The following PGM5 variants were observed in gnomAD, a reference collection of about 807,000 sequenced individuals.
PGM5 encodes phosphoglucomutase 5.
PGM5 carries 23 observed loss-of-function variants against 59.2 expected under a neutral mutation model. The ratio of observed to expected loss-of-function variants is 0.39; its 90% CI spans 0.28 to 0.55. PGM5 has a LOEUF of 0.55. PGM5 is among the 20% of genes least tolerant of loss of function. The probability of loss-of-function intolerance (pLI) is 0.66; values close to 1 mark genes in which losing one functional copy is unlikely to be tolerated. For synonymous variants in PGM5, 214 were observed against 286.0 expected, an observed-to-expected ratio of 0.75 and a Z score of 2.54; for missense variants, 574 against 748.3, an observed-to-expected ratio of 0.77 and a Z score of 2.72.
chr9:68,524,350 C>T (rs1824941991), intron 10 of PGM5, among the ~76,000 whole-genome samples: 1 of 152,124 alleles, frequency 6.6e-6, no homozygotes, highest in African/African-American at 2.4e-5. Flanking sequence ...AGCAAACATC[C>T]AGAAAACCCT....
Position 68,529,678 on chromosome 9 carries a change from A to T in PGM5, c.*22A>T. On this transcript the variant is annotated 3_prime_UTR_variant, in exon 11 of 11. Transcript: ENST00000396396. ...CTGAATAGAGGAAAGATCACTCACC[A>T]GGGCCAAAGAGAGTGCTCAGCGGGA... is the stretch of plus-strand genomic sequence containing the variant. 1 of 1,463,824 alleles carries T rather than the reference A, an allele frequency of 6.8e-7. No individual in the cohort carries two copies. Among genetic ancestry groups the T allele is most frequent in the Non-Finnish European group, 9.4e-7 (1 of 1,064,240 alleles). 90.7% of individuals were successfully genotyped at this position (1,463,824 alleles called of 1,614,324 possible). A position where few individuals can be genotyped will look rare whatever the true frequency, so the allele number is the denominator to read the frequency against.
At chr9:68,376,833 CTCTT>C (rs1340878557) in intron 1 of PGM5, among the ~76,000 whole-genome samples, 17 of 77,960 alleles carry the variant, frequency 2.2e-4, no homozygotes, top group Non-Finnish European at 2.9e-4. Context: ...TTCTTTCTTT[CTCTT>C]TCTTTCTTTC....
At chr9:68,430,912 T>G (rs1461434605) in intron 6 of PGM5, among the ~76,000 whole-genome samples, 1 of 152,238 alleles carries the variant, frequency 6.6e-6, no homozygotes, top group Non-Finnish European at 1.5e-5. Context: ...ATCAACTATT[T>G]ATATTTTCTC....
chr9:68,427,111 G>A (rs1823251522), intron 6 of PGM5, among the ~76,000 whole-genome samples: 1 of 152,220 alleles, frequency 6.6e-6, no homozygotes, highest in Non-Finnish European at 1.5e-5. Context: ...AGAGGCAAAT[G>A]TGACACAGGT....
intron 10 of PGM5, among the ~76,000 whole-genome samples, chr9:68,518,573 A>T (rs1824855497): frequency 6.6e-6 from 1 of 152,252 alleles, no homozygotes; most frequent in Non-Finnish European, 1.5e-5. Context: ...ATACACCAAG[A>T]TGTTGAAATT....
intron 7 of PGM5, among the ~76,000 whole-genome samples, chr9:68,474,720 A>C (rs1824076916): frequency 6.6e-6 from 1 of 151,480 alleles, no homozygotes; most frequent in Non-Finnish European, 1.5e-5. Context: ...GCTAGGTTGG[A>C]TGAGAAAGGC....
At chr9:68,456,617 C>CTT (rs1564010378) in intron 6 of PGM5, among the ~76,000 whole-genome samples, 1 of 143,920 alleles carries the variant, frequency 6.9e-6, no homozygotes, top group African/African-American at 2.6e-5. Context: ...TGTGCCCTGT[C>CTT]CTTTTTTTTT....
At chr9:68,465,704 C>T (rs1823923579) in intron 7 of PGM5, among the ~76,000 whole-genome samples, 1 of 152,084 alleles carries the variant, frequency 6.6e-6, no homozygotes, top group Admixed American at 6.5e-5. Context: ...ATGTTAAAAA[C>T]GTTTTCTTTT....
chr9:68,482,196 A>G (rs1015784901), intron 8 of PGM5, among the ~76,000 whole-genome samples: 1 of 152,066 alleles, frequency 6.6e-6, no homozygotes, highest in East Asian at 1.9e-4. Flanking sequence ...ACTGAACGTG[A>G]TCTATCATAT....
chr9:68,462,084 T>C (rs1243426955), intron 6 of PGM5, among the ~76,000 whole-genome samples: 1 of 152,190 alleles, frequency 6.6e-6, no homozygotes, highest in Non-Finnish European at 1.5e-5. Context: ...TTTAAAATTC[T>C]GACTAAAGAG....
In PGM5 at chr9:68,366,286, G is replaced by GA. The variant is rs1332038894; in HGVS notation, c.261+8904dup. On this transcript the variant is annotated intron_variant, in intron 1 of 10. Coordinates refer to ENST00000396396, the MANE Select transcript of PGM5 (RefSeq NM_021965.4). The stretch of plus-strand genomic sequence containing the variant: ...CAGCATTTTGCTAAGGAAAAACTCA[G>GA]AAAAAATCTATATGTTCAACAGAGA... Among the ~76,000 whole-genome samples the GA allele has an allele frequency of 3.0e-3, 462 of 151,658 alleles. 1 individual carries two copies. Among genetic ancestry groups the GA allele is most frequent in the African/African-American group, 0.011 (445 of 41,276 alleles).
At chr9:68,359,395 T>C (rs1438772612) in intron 1 of PGM5, among the ~76,000 whole-genome samples, 3 of 151,922 alleles carry the variant, frequency 2.0e-5, no homozygotes, top group Non-Finnish European at 2.9e-5. Context: ...CTAAGAGGGG[T>C]GGGCATGGGT....
intron 6 of PGM5, among the ~76,000 whole-genome samples, chr9:68,425,668 A>G (rs1554682656): frequency 6.6e-6 from 1 of 151,644 alleles, no homozygotes; most frequent in Non-Finnish European, 1.5e-5. Context: ...ATTCTGGGTA[A>G]ATGGTGTTTA....
chr9:68,427,121 T>A (rs1554682750), intron 6 of PGM5, among the ~76,000 whole-genome samples: 6 of 152,188 alleles, frequency 3.9e-5, no homozygotes. Flanking sequence ...GTGACACAGG[T>A]GGCCTCATCA....
rs782604420 is a variant in PGM5 at position 68,411,488 on chromosome 9, G to GTATATATATATA, written c.1043+19019_1043+19030dup. ...ATATAATGTGTGTGTGTGTGTGTGT[G>GTATATATATATA]TATATATATATATATGATTTTCCCA... On this transcript the variant is annotated intron_variant, in intron 6 of 10. Transcript: ENST00000396396. Among the ~76,000 whole-genome samples the GTATATATATATA allele has an allele frequency of 2.0e-3, 279 of 140,704 alleles. 1 individual carries two copies. The highest frequency in any genetic ancestry group is 2.6e-3 in the Non-Finnish European group (172 of 65,558). 92.3% of individuals were successfully genotyped at this position (140,704 alleles called of 152,430 possible). A position where few individuals can be genotyped will look rare whatever the true frequency, so the allele number is the denominator to read the frequency against.
chr9:68,523,034 C>T (rs149719574), intron 10 of PGM5, among the ~76,000 whole-genome samples: 1 of 152,308 alleles, frequency 6.6e-6, no homozygotes, highest in African/African-American at 2.4e-5. Flanking sequence ...TACTAACTGT[C>T]CGTTCTTTCA....
rs1198608539 is a variant in PGM5, at chr9:68,357,220, C to T, written c.93C>T (p.Thr31=). 1.3e-5 allele frequency: 20 copies of T among 1,541,058 alleles called. No homozygotes were observed. The highest frequency in any genetic ancestry group is 1.6e-5 in the Non-Finnish European group (18 of 1,145,926). ...GCGGCGGGGGTCTGCGGCGACCCACCGGCCTCTTCGAGGGCCAGCGCAACT... is the reference window on the plus strand; with the variant it reads ...GCGGCGGGGGTCTGCGGCGACCCACTGGCCTCTTCGAGGGCCAGCGCAACT... ...PAGGGGLRRP[T]GLFEGQRNYL... The change falls in exon 1 of 11, where the codon ACC becomes ACT. Residue 31 remains threonine (T), a synonymous_variant. Coordinates refer to ENST00000396396, the MANE Select transcript of PGM5 (RefSeq NM_021965.4).
Position 68,376,870 on chromosome 9 carries a change from TTC to T in PGM5, c.262-1325_262-1324del, listed in dbSNP as rs1225279704. Among the ~76,000 whole-genome samples the T allele has an allele frequency of 1.4e-5, 2 of 139,246 alleles. 1 individual carries two copies. The highest frequency in any genetic ancestry group is 3.1e-5 in the Non-Finnish European group (2 of 63,896). The allele number at this position is 139,246 out of a possible 152,430, so 91.4% of individuals were successfully genotyped here. ...TTCTTTCTCTTTCTTTCTTTTTTCT[TTC>T]TCTTTCTTTCTTTTTTTCTTTCTTT... On this transcript the variant is annotated intron_variant, in intron 1 of 10. Transcript: ENST00000396396.
chr9:68,383,417 ACT>A (rs1345832530), intron 2 of PGM5, among the ~76,000 whole-genome samples: 4 of 151,330 alleles, frequency 2.6e-5, no homozygotes, highest in African/African-American at 9.7e-5. Flanking sequence ...TTTTCTACTA[ACT>A]CTTCAAAATT....
Sources: allele counts gnomAD v4.1 joint callset (sites outside exome capture counted in the v4.1 genomes callset), GRCh38; gene constraint gnomAD v4.1.1; transcripts MANE v1.5; gene names NCBI Gene and HGNC (gene_info 2026-07-23, HGNC 2026-07-21).